The following DNM1L variants were observed in gnomAD, a reference collection of about 807,000 sequenced individuals.
DNM1L encodes dynamin 1L, also known as dynamin-1-like protein.
In DNM1L, 33 loss-of-function variants were observed where a neutral mutation model predicts 92.8. The observed-to-expected ratio is 0.36, with a 90% CI of 0.27 to 0.48. DNM1L has a LOEUF of 0.48. Among genes scored for constraint, DNM1L ranks in the 20% least tolerant of loss-of-function variants. DNM1L has a pLI of 0.99. For synonymous variants in DNM1L, 284 were observed against 305.0 expected, an observed-to-expected ratio of 0.93 and a Z score of 0.72; for missense variants, 485 against 888.8, an observed-to-expected ratio of 0.55 and a Z score of 5.78.
intron 13 of DNM1L, among the ~76,000 whole-genome samples, chr12:32,736,319 T>G (rs572891670): frequency 1.3e-5 from 2 of 152,264 alleles, no homozygotes; most frequent in Admixed American, 1.3e-4. Context: ...TCTGCCCACC[T>G]TGGCCTCCCA....
At chr12:32,725,587 C>T (rs1397288825) in intron 9 of DNM1L, 1 of 152,144 alleles carries the variant, frequency 6.6e-6, no homozygotes, top group African/African-American at 2.4e-5. Context: ...TTCTTAAATT[C>T]TTAACCATAT....
rs1955502254 is a variant in DNM1L at position 32,744,164 on chromosome 12, TAATGATGGTCAGTTCCTTTTAG to T, written c.*756_*777del. On this transcript the variant is annotated 3_prime_UTR_variant, in exon 20 of 20. Transcript: ENST00000549701. Reference sequence around the variant, plus strand: ...CCCTTGATTATCTAGAAAGACTTGGTAATGATGGTCAGTTCCTTTTAGATTTCAGAAAATCAAATGATGACCT... The same window carrying T: ...CCCTTGATTATCTAGAAAGACTTGGTATTTCAGAAAATCAAATGATGACCT... The T allele has an allele frequency of 2.0e-5, 3 of 152,268 alleles. No individual in the cohort carries two copies. The highest frequency in any genetic ancestry group is 7.2e-5 in the African/African-American group (3 of 41,458). The allele number at this position is 152,268 out of a possible 1,614,324, so 9.4% of individuals were successfully genotyped here. A position where few individuals can be genotyped will look rare whatever the true frequency, so the allele number is the denominator to read the frequency against.
At chr12:32,705,905 T>TA in intron 2 of DNM1L, 1 of 1,559,780 alleles carries the variant, frequency 6.4e-7, no homozygotes, top group Non-Finnish European at 8.7e-7. Context: ...TTTTCTCTTA[T>TA]GCCTGCATGT....
intron 16 of DNM1L, chr12:32,739,750 A>G (rs945838515): frequency 2.2e-5 from 7 of 320,234 alleles, no homozygotes; most frequent in African/African-American, 1.0e-4. Context: ...TTTTCCTACA[A>G]TTTAGTGTTT....
chr12:32,710,457 T>C (rs926092825), intron 4 of DNM1L, among the ~76,000 whole-genome samples: 12 of 151,982 alleles, frequency 7.9e-5, no homozygotes, highest in African/African-American at 2.9e-4. Context: ...CTCTACAAAA[T>C]ATAAACAAGA....
rs1223462344 is a variant in DNM1L at position 32,717,927 on chromosome 12, ATTT to A, written c.620-714_620-712del. Among the ~76,000 whole-genome samples, 410 of 82,880 alleles carry A rather than the reference ATTT, an allele frequency of 4.9e-3. 16 individuals are homozygous for A. The highest frequency in any genetic ancestry group is 0.02 in the African/African-American group (378 of 18,834). The allele number at this position is 82,880 out of a possible 152,430, so 54.4% of individuals were successfully genotyped here. On this transcript the variant is annotated intron_variant, in intron 6 of 19. Transcript: ENST00000549701. ...AGTATATATATAAAATATAGTATAT[ATTT>A]TATATATATATAAAATATAGTATAT...
intron 9 of DNM1L, chr12:32,726,606 GCAT>G: frequency 8.7e-7 from 1 of 1,145,546 alleles, no homozygotes; most frequent in Non-Finnish European, 1.3e-6. Flanking sequence ...GATAGCTTCA[GCAT>G]CATCATCCAG....
At chr12:32,707,284 TTTTA>T (rs1167869308) in intron 2 of DNM1L, 79 bp from the exon 3 acceptor site, 102 of 1,124,924 alleles carry the variant, frequency 9.1e-5, no homozygotes, top group Non-Finnish European at 1.3e-4. Context: ...TTAAGAAGTG[TTTTA>T]TTATGTTGCC....
intron 1 of DNM1L, chr12:32,679,926 C>G: frequency 2.0e-6 from 2 of 986,124 alleles, no homozygotes; most frequent in Non-Finnish European, 2.4e-6. Context: ...TCCCTCCTTG[C>G]CTTGCCCAGG....
intron 2 of DNM1L, among the ~76,000 whole-genome samples, chr12:32,702,252 A>G (rs556215633): frequency 2.7e-5 from 4 of 146,952 alleles, no homozygotes; most frequent in East Asian, 4.0e-4. Context: ...AAAAAAAAAA[A>G]AAGAAGAAAA....
Position 32,713,194 on chromosome 12 carries a change from C to T in DNM1L, c.457-15C>T. On this transcript the variant is annotated splice_polypyrimidine_tract_variant and intron_variant, in intron 5 of 19. Coordinates refer to ENST00000549701, the MANE Select transcript of DNM1L (RefSeq NM_012062.5). Reference sequence around the variant, plus strand: ...TTTTAATTATTAGTTCCTTGCTCATCTCTGTTTGGTTTAGGTGCCTGTAGG... The same window carrying T: ...TTTTAATTATTAGTTCCTTGCTCATTTCTGTTTGGTTTAGGTGCCTGTAGG... The T allele has an allele frequency of 6.2e-7, 1 of 1,613,658 alleles. No homozygotes were observed. Among genetic ancestry groups the T allele is most frequent in the Non-Finnish European group, 8.5e-7 (1 of 1,179,852 alleles).
At chr12:32,713,069 T>C (rs545983545) in intron 5 of DNM1L, 140 bp from the exon 6 acceptor site, 13 of 769,272 alleles carry the variant, frequency 1.7e-5, no homozygotes, top group Admixed American at 2.9e-5. Flanking sequence ...ATAAATACCA[T>C]TGTAGTATAT....
intron 2 of DNM1L, among the ~76,000 whole-genome samples, chr12:32,705,031 A>C (rs1246607308): frequency 1.5e-5 from 2 of 136,290 alleles, no homozygotes; most frequent in Non-Finnish European, 3.1e-5. Context: ...TTTAAGGCAG[A>C]GTCTTGCTCT....
chr12:32,726,493 A>G (rs1954151896), intron 9 of DNM1L: 2 of 1,042,844 alleles, frequency 1.9e-6, no homozygotes, highest in African/African-American at 1.6e-5. Context: ...TCTTCATCAT[A>G]CTCATCATCA....
chr12:32,712,361 C>T (rs1031828461), intron 5 of DNM1L, among the ~76,000 whole-genome samples: 1 of 152,114 alleles, frequency 6.6e-6, no homozygotes, highest in African/African-American at 2.4e-5. Context: ...TTTCTTCCCC[C>T]AGATGTCTGT....
intron 14 of DNM1L, 43 bp from the exon 15 acceptor site, chr12:32,737,822 T>C: frequency 6.7e-7 from 1 of 1,492,520 alleles, no homozygotes; most frequent in Non-Finnish European, 9.3e-7. Context: ...AATGCATTTT[T>C]GCATCCTTGA....
chr12:32,697,573 T>A (rs910984727), intron 1 of DNM1L, among the ~76,000 whole-genome samples: 1 of 152,238 alleles, frequency 6.6e-6, no homozygotes, highest in African/African-American at 2.4e-5. Flanking sequence ...GTTATTCTAA[T>A]TCTGTCACAA....
At chr12:32,718,580 A>G in intron 6 of DNM1L, 63 bp from the exon 7 acceptor site, 1 of 1,605,046 alleles carries the variant, frequency 6.2e-7, no homozygotes, top group Non-Finnish European at 8.5e-7. Flanking sequence ...AACACTAAAT[A>G]GTTGTATTTA....
intron 9 of DNM1L, among the ~76,000 whole-genome samples, chr12:32,725,910 GTTTT>G (rs59243079): frequency 7.1e-6 from 1 of 141,698 alleles, no homozygotes; most frequent in Non-Finnish European, 1.5e-5. Flanking sequence ...TGGCATGCCG[GTTTT>G]TTTTTTTTTT....
Sources: allele counts gnomAD v4.1 joint callset (sites outside exome capture counted in the v4.1 genomes callset), GRCh38; gene constraint gnomAD v4.1.1; transcripts MANE v1.5; gene names NCBI Gene and HGNC (gene_info 2026-07-23, HGNC 2026-07-21).